DCAF1: variants seen among roughly 807,000 people sequenced by gnomAD.
DCAF1 encodes DDB1 and CUL4 associated factor 1.
In DCAF1, 15 loss-of-function variants were observed where a neutral mutation model predicts 128.0. The observed-to-expected ratio is 0.12, with a 90% CI of 0.08 to 0.18. The LOEUF is 0.18. Ranked by LOEUF, DCAF1 falls within the 10% of genes least tolerant of loss-of-function variation. The probability of loss-of-function intolerance (pLI) is 1.00; values close to 1 mark genes in which losing one functional copy is unlikely to be tolerated. For missense variants in DCAF1, 988 were observed against 1,649.5 expected (o/e 0.60, Z 6.95); for synonymous variants, 610 against 603.0 (o/e 1.01, Z -0.17).
intron 3 of DCAF1, among the ~76,000 whole-genome samples, chr3:51,477,002 T>C (rs2108308617): frequency 6.6e-6 from 1 of 151,034 alleles, no homozygotes; most frequent in African/African-American, 2.4e-5. Context: ...GAGAATTGCT[T>C]GCACCTGGGA....
intron 16 of DCAF1, 56 bp from the exon 17 acceptor site, chr3:51,418,254 A>T: frequency 6.5e-7 from 1 of 1,538,302 alleles, no homozygotes; most frequent in Non-Finnish European, 8.7e-7. Context: ...TGCAGATGTC[A>T]CTACCTGCCA....
intron 6 of DCAF1, among the ~76,000 whole-genome samples, chr3:51,457,544 A>ATTT (rs1703058661): frequency 6.6e-6 from 1 of 152,214 alleles, no homozygotes; most frequent in Admixed American, 6.5e-5. Flanking sequence ...CAACATTCAA[A>ATTT]TTAAGGAAAT....
intron 6 of DCAF1, among the ~76,000 whole-genome samples, chr3:51,447,050 C>T (rs1701942635): frequency 6.6e-6 from 1 of 151,082 alleles, no homozygotes; most frequent in East Asian, 1.9e-4. Context: ...TTCTTAAAGT[C>T]TTCCAAAAAG....
chr3:51,457,870 T>C (rs1553643300), intron 6 of DCAF1, among the ~76,000 whole-genome samples: 2 of 152,086 alleles, frequency 1.3e-5, no homozygotes, highest in African/African-American at 4.8e-5. Context: ...TGCTGAGAGA[T>C]TTTGTCACCA....
At chr3:51,402,359 G>A (rs907907568) in intron 24 of DCAF1, among the ~76,000 whole-genome samples, 4 of 151,940 alleles carry the variant, frequency 2.6e-5, no homozygotes, top group African/African-American at 4.8e-5. Flanking sequence ...CATGCCTCTC[G>A]GCGGAGAGCT....
chr3:51,398,762 T>C lies in DCAF1; in HGVS notation c.*7A>G, dbSNP rs1553623979. On this transcript the variant is annotated 3_prime_UTR_variant, in exon 25 of 25. Transcript: ENST00000684031. ...GCCAAGAATCTCTTCCAAGCAGTGA[T>C]GGCTCCTCACTCATTCAGAGATAAG... The C allele has an allele frequency of 1.9e-6, 3 of 1,587,648 alleles. No homozygotes were observed. The highest frequency in any genetic ancestry group is 2.3e-5 in the East Asian group (1 of 44,128).
At chr3:51,459,445 C>T (rs1289640969) in intron 6 of DCAF1, among the ~76,000 whole-genome samples, 21 of 152,086 alleles carry the variant, frequency 1.4e-4, no homozygotes, top group African/African-American at 4.3e-4. Context: ...AGTCCAGGAC[C>T]AGATGGATTC....
the DCAF1 span, among the ~76,000 whole-genome samples, chr3:51,505,125 G>A: frequency 1.3e-5 from 2 of 151,830 alleles, no homozygotes; most frequent in Non-Finnish European, 2.9e-5. Context: ...TTAGCCAGGT[G>A]TGGTGGTGCA....
Position 51,412,408 on chromosome 3 carries a change from C to G in DCAF1, c.4183G>C (p.Ala1395Pro). 6.2e-7 allele frequency: 1 copy of G among 1,613,906 alleles called. No individual in the cohort carries two copies. The highest frequency in any genetic ancestry group is 8.5e-7 in the Non-Finnish European group (1 of 1,179,858). The part of the protein sequence containing the change: ...RLYEVGRQRL[A>P]EDEDEEEDQE... ...TCCTCCTCTTCATCCTCATCCTCTG[C>G]CAGACGCTGCCTGCCCACTTCATAC... The change falls in exon 23 of 25, where the codon GCA becomes CCA. Residue 1395 changes from alanine to proline, a missense_variant. Transcript: ENST00000684031.
At chr3:51,421,070 A>G in intron 14 of DCAF1, 73 bp from the exon 15 acceptor site, 1 of 1,509,184 alleles carries the variant, frequency 6.6e-7, no homozygotes, top group Non-Finnish European at 8.8e-7. Flanking sequence ...TCCAGAGTCA[A>G]AATTTGGTGT....
At chr3:51,407,158 C>CAA (rs1477512198) in intron 23 of DCAF1, among the ~76,000 whole-genome samples, 165 of 87,670 alleles carry the variant, frequency 1.9e-3, no homozygotes, top group African/African-American at 2.9e-3. Flanking sequence ...GACTCCATCT[C>CAA]AAAAAAAAAA....
upstream of DCAF1, among the ~76,000 whole-genome samples, chr3:51,504,808 G>A (rs1321158594): frequency 2.6e-5 from 4 of 152,108 alleles, no homozygotes; most frequent in Non-Finnish European, 5.9e-5. Flanking sequence ...CACTCTATCA[G>A]TTATTTCATT....
At chr3:51,437,287 A>AAAG (rs1700934562) in intron 9 of DCAF1, 16 of 388,576 alleles carry the variant, frequency 4.1e-5, no homozygotes, top group East Asian at 3.2e-4. Context: ...AAAAAAAAAA[A>AAAG]AAAGAAAGAA....
Position 51,499,935 on chromosome 3 carries a change from C to G in DCAF1, c.-118G>C, listed in dbSNP as rs571217258. 1 of 148,594 alleles carries G rather than the reference C, an allele frequency of 6.7e-6. No individual in the cohort carries two copies. Among genetic ancestry groups the G allele is most frequent in the Non-Finnish European group, 1.5e-5 (1 of 67,004 alleles). 9.2% of individuals were successfully genotyped at this position (148,594 alleles called of 1,614,324 possible). The stretch of plus-strand genomic sequence containing the variant: ...CGCCAGTGGCCACAGTTCACACACA[C>G]ACAGCCTCAGGTCCCGCACTCACTC... On this transcript the variant is annotated 5_prime_UTR_variant, in exon 1 of 25. Transcript: ENST00000684031.
In DCAF1 at chr3:51,420,191, G is replaced by A; in HGVS notation, c.2779C>T (p.Pro927Ser). 1 of 1,614,018 alleles carries A rather than the reference G, an allele frequency of 6.2e-7. No homozygotes were observed. Among genetic ancestry groups the A allele is most frequent in the Non-Finnish European group, 8.5e-7 (1 of 1,179,890 alleles). Residue 927 changes from proline (P) to serine (S), a missense_variant, in exon 15 of 25, where the codon CCT becomes TCT. Transcript: ENST00000684031. This position sits in a 1 kb window ranked among gnomAD's most constrained non-coding sequence, Gnocchi z 6.5. ...AAVGASAPSA[P>S]TAHPQPRPPQ... ...GGCCGTGGCTGAGGATGAGCAGTAG[G>A]GGCAGAAGGCGCAGAGGCACCCACA...
intron 2 of DCAF1, among the ~76,000 whole-genome samples, chr3:51,496,043 G>A (rs1708200243): frequency 6.6e-6 from 1 of 151,916 alleles, no homozygotes; most frequent in South Asian, 2.1e-4. Flanking sequence ...TGTAATCTCA[G>A]CACTTTAGGA....
chr3:51,463,084 AAAATT>A (rs782491279), intron 6 of DCAF1, 25 bp downstream of exon 6: 1 of 1,440,734 alleles, frequency 6.9e-7, no homozygotes, highest in Admixed American at 2.3e-5. Context: ...ATTACAAAAT[AAAATT>A]ATGACTTTAC....
At chr3:51,482,186 T>C (rs1378612289) in intron 3 of DCAF1, among the ~76,000 whole-genome samples, 4 of 152,078 alleles carry the variant, frequency 2.6e-5, no homozygotes, top group African/African-American at 9.7e-5. Flanking sequence ...TGGCTTCGCC[T>C]GTAATCCCAG....
rs1577069933 is a variant in DCAF1 at position 51,413,061 on chromosome 3, T to C, written c.4042A>G (p.Ile1348Val). Reference protein sequence around the residue: ...NATDYKPIATIDVKRNIFDLC... With the variant: ...NATDYKPIATVDVKRNIFDLC... ...TCAAAGATGTTCCGTTTCACATCAA[T>C]GGTTGCTGGAAAATAGAATGTGAGA... Residue 1348 changes from isoleucine (I) to valine (V), a missense_variant, in exon 22 of 25, where the codon ATT becomes GTT. Transcript: ENST00000684031. The C allele has an allele frequency of 3.1e-6, 5 of 1,613,952 alleles. No homozygotes were observed. In the African/African-American group the frequency reaches 5.3e-5, roughly 17 times the overall value.
Sources: allele counts gnomAD v4.1 joint callset (sites outside exome capture counted in the v4.1 genomes callset), GRCh38; gene constraint gnomAD v4.1.1; non-coding constraint Gnocchi (gnomAD v3.1); transcripts MANE v1.5; gene names NCBI Gene and HGNC (gene_info 2026-07-23, HGNC 2026-07-21).